NRG3: variants seen among roughly 807,000 people sequenced by gnomAD.
NRG3 encodes the protein pro-neuregulin-3, membrane-bound isoform.
Under a neutral mutation model 66.9 loss-of-function variants are expected in NRG3, and 31 were observed. The ratio of observed to expected loss-of-function variants is 0.46; its 90% CI spans 0.35 to 0.63. The LOEUF is 0.63. Among genes scored for constraint, NRG3 ranks in the 20% least tolerant of loss-of-function variants. The pLI, the probability that NRG3 is intolerant of heterozygous loss-of-function variation, is 0.00. For missense variants in NRG3, 910 were observed against 878.9 expected, an observed-to-expected ratio of 1.04 and a Z score of -0.45; for synonymous variants, 393 against 359.4, an observed-to-expected ratio of 1.09 and a Z score of -1.06.
At chr10:82,352,419 A>G (rs1461982955) in intron 1 of NRG3, among the ~76,000 whole-genome samples, 1 of 152,188 alleles carries the variant, frequency 6.6e-6, no homozygotes. Flanking sequence ...GTGGCTCAAG[A>G]CTATGAGTAG....
At chr10:82,212,812 A>G (rs2075465301) in intron 1 of NRG3, among the ~76,000 whole-genome samples, 1 of 152,238 alleles carries the variant, frequency 6.6e-6, no homozygotes, top group Non-Finnish European at 1.5e-5. Flanking sequence ...TGCATGGCAG[A>G]TGTAACATCT....
intron 1 of NRG3, among the ~76,000 whole-genome samples, chr10:82,311,747 A>G (rs534630665): frequency 6.6e-6 from 1 of 152,128 alleles, no homozygotes; most frequent in Non-Finnish European, 1.5e-5. Flanking sequence ...AGGGTTTACT[A>G]TTGCCACCAC....
At chr10:82,105,362 C>T (rs1336138495) in intron 1 of NRG3, among the ~76,000 whole-genome samples, 1 of 152,058 alleles carries the variant, frequency 6.6e-6, no homozygotes, top group Non-Finnish European at 1.5e-5. Context: ...AGGGTTTGTT[C>T]GCTAGCATCA....
chr10:82,819,169 A>G (rs139616379), intron 3 of NRG3, among the ~76,000 whole-genome samples: 6,043 of 152,312 alleles, frequency 0.04, 163 homozygotes, highest in Middle Eastern at 0.075. Flanking sequence ...ATTAACGAAG[A>G]ATTTACTTCT....
At chr10:82,185,300 G>A (rs1010459610) in intron 1 of NRG3, among the ~76,000 whole-genome samples, 2 of 152,158 alleles carry the variant, frequency 1.3e-5, no homozygotes, top group African/African-American at 4.8e-5. Context: ...TATCTGCCCA[G>A]TTGTTGTTTT....
intron 3 of NRG3, among the ~76,000 whole-genome samples, chr10:82,775,858 G>T (rs555118295): frequency 1.4e-4 from 21 of 151,992 alleles, no homozygotes; most frequent in African/African-American, 4.6e-4. Context: ...TTATACTTTT[G>T]TTGTCACAAT....
chr10:82,587,521 T>A (rs2133273789), intron 2 of NRG3, among the ~76,000 whole-genome samples: 1 of 152,330 alleles, frequency 6.6e-6, no homozygotes, highest in African/African-American at 2.4e-5. Context: ...CTATCTGTAG[T>A]CTCTTAGAAA....
At position 82,887,723 on chromosome 10, in the gene NRG3, T is replaced by G. The variant is rs1238622500; in HGVS notation, c.1054+22286T>G. Among the ~76,000 whole-genome samples the G allele has an allele frequency of 2.0e-5, 3 of 152,342 alleles. No homozygotes were observed. In the East Asian group the frequency reaches 5.8e-4, roughly 29 times the overall value. ...GATGCCAGGCACTGCACAAGCTCTA[T>G]CTCCATTAATCTTCTCTAATGTAAA... On this transcript the variant is annotated intron_variant, in intron 4 of 8. Coordinates refer to ENST00000372141, the MANE Select transcript of NRG3 (RefSeq NM_001010848.4).
At chr10:82,606,710 C>A (rs919005154) in intron 2 of NRG3, among the ~76,000 whole-genome samples, 1 of 152,102 alleles carries the variant, frequency 6.6e-6, no homozygotes, top group Non-Finnish European at 1.5e-5. Context: ...CCCAGAGTCA[C>A]ATAGCACACT....
At chr10:81,899,952 G>T (rs186915472) in intron 1 of NRG3, among the ~76,000 whole-genome samples, 1 of 151,826 alleles carries the variant, frequency 6.6e-6, no homozygotes, top group African/African-American at 2.4e-5. Context: ...AACATGTATG[G>T]CACCCTAGGT....
At chr10:82,252,730 A>G (rs1200710872) in intron 1 of NRG3, among the ~76,000 whole-genome samples, 1 of 152,142 alleles carries the variant, frequency 6.6e-6, no homozygotes, top group Non-Finnish European at 1.5e-5. Context: ...CAGTTTTTCT[A>G]TTCAAGGTTT....
At chr10:82,066,959 T>TCAAG (rs1169164473) in intron 1 of NRG3, among the ~76,000 whole-genome samples, 4 of 152,190 alleles carry the variant, frequency 2.6e-5, no homozygotes, top group African/African-American at 9.7e-5. Flanking sequence ...TATAAGTAAC[T>TCAAG]TGAGTAACTC....
At chr10:82,210,178 G>C (rs1293497350) in intron 1 of NRG3, among the ~76,000 whole-genome samples, 1 of 152,124 alleles carries the variant, frequency 6.6e-6, no homozygotes, top group Non-Finnish European at 1.5e-5. Flanking sequence ...AAATTGCCAA[G>C]TATAAAGACT....
At chr10:82,562,678 C>G (rs1467512808) in intron 2 of NRG3, among the ~76,000 whole-genome samples, 1 of 152,062 alleles carries the variant, frequency 6.6e-6, no homozygotes, top group African/African-American at 2.4e-5. Flanking sequence ...AGTTTTTTCT[C>G]AATCACATCA....
chr10:82,866,223 T>A (rs1224769364), intron 4 of NRG3, among the ~76,000 whole-genome samples: 1 of 118,100 alleles, frequency 8.5e-6, no homozygotes, highest in Non-Finnish European at 1.7e-5. Context: ...TCTGCTTCTT[T>A]GGATTCTATT....
At position 82,497,699 on chromosome 10, in the gene NRG3, G is replaced by T. The variant is rs1380172936; in HGVS notation, c.953+138831G>T. On this transcript the variant is annotated intron_variant, in intron 2 of 8. Transcript: ENST00000372141. ...TGGTTATTGTGAATAATGTTACAGT[G>T]AACATGTGGGTACAGCAATTTCTTC... Among the ~76,000 whole-genome samples, 8 of 152,058 alleles carry T rather than the reference G, an allele frequency of 5.3e-5. No individual in the cohort carries two copies. In the East Asian group the frequency reaches 1.5e-3, roughly 29 times the overall value.
At chr10:82,455,071 C>G (rs374653205) in intron 2 of NRG3, among the ~76,000 whole-genome samples, 40 of 152,212 alleles carry the variant, frequency 2.6e-4, no homozygotes, top group African/African-American at 9.4e-4. Context: ...AACTGAACTC[C>G]AAGCACTCTT....
intron 1 of NRG3, among the ~76,000 whole-genome samples, chr10:82,305,457 G>A (rs868796340): frequency 2.1e-4 from 32 of 152,080 alleles, no homozygotes; most frequent in African/African-American, 6.5e-4. Context: ...AATTTTATAA[G>A]CATCATGATA....
intron 2 of NRG3, among the ~76,000 whole-genome samples, chr10:82,465,448 A>G (rs935166816): frequency 2.0e-5 from 3 of 152,180 alleles, no homozygotes; most frequent in African/African-American, 7.2e-5. Context: ...TCGTTGACTA[A>G]CAGTTTAACT....
Sources: allele counts gnomAD v4.1 joint callset (sites outside exome capture counted in the v4.1 genomes callset), GRCh38; gene constraint gnomAD v4.1.1; transcripts MANE v1.5; gene names NCBI Gene and HGNC (gene_info 2026-07-23, HGNC 2026-07-21).